LRP1B: variants seen among roughly 807,000 people sequenced by gnomAD.
The protein encoded by LRP1B is LDL receptor related protein 1B.
A neutral mutation model predicts 556.6 loss-of-function variants in LRP1B; 217 were observed. That is an observed-to-expected ratio of 0.39 (90% CI 0.35 to 0.44). The LOEUF (loss-of-function observed/expected upper bound fraction) is 0.44, where lower values mean the gene tolerates loss of function less well. LRP1B is among the 20% of genes least tolerant of loss of function. LRP1B has a pLI of 1.00. For synonymous variants in LRP1B, 2,047 were observed against 1,865.8 expected, an observed-to-expected ratio of 1.10 and a Z score of -2.50; for missense variants, 5,053 against 5,620.8, an observed-to-expected ratio of 0.90 and a Z score of 3.23.
At chr2:140,937,662 T>A (rs1402172537) in intron 20 of LRP1B, among the ~76,000 whole-genome samples, 2 of 152,020 alleles carry the variant, frequency 1.3e-5, no homozygotes, top group African/African-American at 4.8e-5. Context: ...ACAGAAGAGG[T>A]GACTGAGTCA....
At chr2:141,923,446 ATG>A (rs56356725) in intron 1 of LRP1B, among the ~76,000 whole-genome samples, 10,992 of 81,602 alleles carry the variant, frequency 0.13, 863 homozygotes, top group African/African-American at 0.16. Context: ...TTATATATAT[ATG>A]TGTGTGTGTG....
intron 7 of LRP1B, among the ~76,000 whole-genome samples, chr2:141,141,622 T>G (rs1463574857): frequency 6.6e-6 from 1 of 152,174 alleles, no homozygotes; most frequent in Non-Finnish European, 1.5e-5. Flanking sequence ...AATTACCACA[T>G]CCTTAATAAA....
At chr2:140,578,500 C>A (rs1001774697) in intron 43 of LRP1B, among the ~76,000 whole-genome samples, 2 of 152,216 alleles carry the variant, frequency 1.3e-5, no homozygotes, top group African/African-American at 2.4e-5. Flanking sequence ...TCAGCAGTTA[C>A]GATCCCTGCT....
intron 83 of LRP1B, among the ~76,000 whole-genome samples, chr2:140,299,709 G>A (rs1295084217): frequency 2.6e-5 from 4 of 151,970 alleles, no homozygotes; most frequent in Admixed American, 6.6e-5. Context: ...TTGTTGGAAC[G>A]TGATTAATGA....
intron 83 of LRP1B, among the ~76,000 whole-genome samples, chr2:140,304,816 T>A (rs1198958779): frequency 2.0e-5 from 3 of 152,222 alleles, no homozygotes; most frequent in Non-Finnish European, 4.4e-5. Flanking sequence ...TTAATCCATC[T>A]TGAATTAATT....
At chr2:140,385,392 T>C (rs1683714437) in intron 67 of LRP1B, among the ~76,000 whole-genome samples, 2 of 152,214 alleles carry the variant, frequency 1.3e-5, no homozygotes, top group Non-Finnish European at 2.9e-5. Context: ...AGACAGATGA[T>C]AACAATAGTG....
intron 27 of LRP1B, among the ~76,000 whole-genome samples, chr2:140,855,448 C>A (rs1229790389): frequency 7.2e-6 from 1 of 139,026 alleles, no homozygotes; most frequent in African/African-American, 2.7e-5. Flanking sequence ...AGCCCAGTAG[C>A]TAGAGACCAG....
intron 32 of LRP1B, among the ~76,000 whole-genome samples, chr2:140,784,163 T>C (rs1391726082): frequency 6.6e-6 from 1 of 152,082 alleles, no homozygotes; most frequent in Non-Finnish European, 1.5e-5. Flanking sequence ...GTCACGAACA[T>C]AAGACTTTTT....
intron 3 of LRP1B, among the ~76,000 whole-genome samples, chr2:141,276,332 A>T (rs1685283530): frequency 6.6e-6 from 1 of 151,362 alleles, no homozygotes. Flanking sequence ...GTACATGTGC[A>T]GGTTTGCTAT....
intron 33 of LRP1B, among the ~76,000 whole-genome samples, chr2:140,774,511 A>T (rs1689423029): frequency 6.6e-6 from 1 of 152,148 alleles, no homozygotes; most frequent in African/African-American, 2.4e-5. Context: ...CACAGTTTGG[A>T]AAAGTGGGTA....
rs372943924 is a variant in LRP1B at position 140,465,154 on chromosome 2, C to T, written c.9626-7503G>A. ...ATCATGACAGAGGAAGAAGGGGGAC[C>T]AGACACATCACATGGCAAAACAGGA... is the stretch of plus-strand genomic sequence containing the variant. On this transcript the variant is annotated intron_variant, in intron 60 of 90. Transcript: ENST00000389484. Among the ~76,000 whole-genome samples, 47 of 152,134 alleles carry T rather than the reference C, an allele frequency of 3.1e-4. 1 individual carries two copies. The South Asian group carries it at 7.1e-3, about 23-fold the overall frequency.
In LRP1B at chr2:140,541,778, C is replaced by A; in HGVS notation, c.7387+1G>T. On this transcript the variant is annotated splice_donor_variant, in intron 44 of 90. Coordinates refer to ENST00000389484, the MANE Select transcript of LRP1B (RefSeq NM_018557.3). LOFTEE classifies it high-confidence loss of function. ...CACATTTGCTTTCTATTATAACTTA[C>A]AGCTATTGGTGTCATTGGCAACAGC... 1 of 1,605,792 alleles carries A rather than the reference C, an allele frequency of 6.2e-7. No individual in the cohort carries two copies. The highest frequency in any genetic ancestry group is 2.2e-5 in the East Asian group (1 of 44,798).
At chr2:140,732,431 C>T (rs1481682865) in intron 35 of LRP1B, among the ~76,000 whole-genome samples, 2 of 152,048 alleles carry the variant, frequency 1.3e-5, no homozygotes, top group Non-Finnish European at 2.9e-5. Flanking sequence ...CATGATGTTT[C>T]ACTTACAGTG....
At chr2:140,514,089 A>G (rs752904236) in intron 51 of LRP1B, among the ~76,000 whole-genome samples, 7 of 152,026 alleles carry the variant, frequency 4.6e-5, no homozygotes, top group Admixed American at 2.0e-4. Flanking sequence ...TGTAGTTGAC[A>G]TATAGTAGTT....
chr2:141,107,102 ATTCCCTAATAGTC>A (rs1700623979), intron 7 of LRP1B, among the ~76,000 whole-genome samples: 1 of 152,200 alleles, frequency 6.6e-6, no homozygotes, highest in South Asian at 2.1e-4. Context: ...TTTGGAAATA[ATTCCCTAATAGTC>A]TTCCTTATGT....
intron 49 of LRP1B, among the ~76,000 whole-genome samples, chr2:140,523,077 A>T (rs1019301238): frequency 1.3e-5 from 2 of 151,980 alleles, no homozygotes; most frequent in African/African-American, 4.8e-5. Flanking sequence ...TCTGACAAAG[A>T]TACAACAACC....
chr2:141,890,390 A>ATGTACT (rs375936846), intron 1 of LRP1B, among the ~76,000 whole-genome samples: 2 of 135,968 alleles, frequency 1.5e-5, no homozygotes, highest in African/African-American at 2.8e-5. Context: ...ATACATATAT[A>ATGTACT]GTGTATATAT....
chr2:141,490,090 G>T (rs1415058094), intron 2 of LRP1B, among the ~76,000 whole-genome samples: 2 of 152,082 alleles, frequency 1.3e-5, no homozygotes, highest in Non-Finnish European at 2.9e-5. Context: ...CCCTGGGAAA[G>T]GAGTTATTGT....
intron 6 of LRP1B, among the ~76,000 whole-genome samples, chr2:141,215,926 T>C (rs974514672): frequency 1.3e-5 from 2 of 152,306 alleles, no homozygotes; most frequent in African/African-American, 4.8e-5. Flanking sequence ...AGAAGCTTTT[T>C]CTAGAGCAGA....
Sources: allele counts gnomAD v4.1 joint callset (sites outside exome capture counted in the v4.1 genomes callset), GRCh38; gene constraint gnomAD v4.1.1; transcripts MANE v1.5; gene names NCBI Gene and HGNC (gene_info 2026-07-23, HGNC 2026-07-21).